The following RFC3 variants were observed in gnomAD, a reference collection of about 807,000 sequenced individuals.
The protein encoded by RFC3 is A1 38 kDa subunit.
In RFC3, 41 loss-of-function variants were observed where a neutral mutation model predicts 45.1. That is an observed-to-expected ratio of 0.91 (90% confidence interval 0.71 to 1.18). RFC3 has a LOEUF of 1.18. Ranked by LOEUF, RFC3 falls within the 50% of genes most tolerant of loss-of-function variation. The probability of loss-of-function intolerance (pLI) is 0.00; values close to 1 mark genes in which losing one functional copy is unlikely to be tolerated. For missense variants in RFC3, 423 were observed against 428.1 expected, an observed-to-expected ratio of 0.99 and a Z score of 0.10; for synonymous variants, 149 against 144.0, an observed-to-expected ratio of 1.03 and a Z score of -0.25.
In RFC3 at chr13:33,910,954, C is replaced by T. The variant is rs919912377; in HGVS notation, c.880-55133C>T. On this transcript the variant is annotated intron_variant, in intron 8 of 8. Transcript: ENST00000434425. Reference sequence around the variant, plus strand: ...TGAGAACCCTTTCATGAGAGCAGCACGAAAGGGGGAAATCCACACCCATGA... The same window carrying T: ...TGAGAACCCTTTCATGAGAGCAGCATGAAAGGGGGAAATCCACACCCATGA... Among the ~76,000 whole-genome samples the T allele has an allele frequency of 9.2e-5, 14 of 151,826 alleles. 2 individuals carry two copies. The highest frequency in any genetic ancestry group is 9.2e-4 in the Admixed American group (14 of 15,242).
At chr13:33,855,859 T>C (rs1018770285) in intron 8 of RFC3, among the ~76,000 whole-genome samples, 2 of 152,204 alleles carry the variant, frequency 1.3e-5, no homozygotes, top group South Asian at 2.1e-4. Flanking sequence ...TTATAGGTGC[T>C]GGATATTAGA....
At chr13:33,971,379 T>C (rs1002507712), downstream of RFC3, among the ~76,000 whole-genome samples, 3 of 152,256 alleles carry the variant, frequency 2.0e-5, no homozygotes, top group Non-Finnish European at 4.4e-5. Context: ...TGTGCGTCAT[T>C]CTGAATACTT....
At chr13:33,928,690 AT>A (rs2082832000) in intron 8 of RFC3, among the ~76,000 whole-genome samples, 2 of 152,158 alleles carry the variant, frequency 1.3e-5, no homozygotes, top group Non-Finnish European at 2.9e-5. Flanking sequence ...TTTACATCTT[AT>A]CCACATACTT....
intron 8 of RFC3, among the ~76,000 whole-genome samples, chr13:33,870,196 A>C (rs900219427): frequency 9.9e-5 from 15 of 152,238 alleles, no homozygotes; most frequent in African/African-American, 3.4e-4. Context: ...ATTTGCATGG[A>C]ACTGGTGAAG....
intron 8 of RFC3, among the ~76,000 whole-genome samples, chr13:33,965,738 C>T (rs2083084479): frequency 1.3e-5 from 2 of 152,142 alleles, no homozygotes; most frequent in African/African-American, 4.8e-5. Flanking sequence ...CTATCTTCAG[C>T]ATTTAAACAG....
chr13:33,939,430 G>T lies in RFC3; in HGVS notation c.880-26657G>T, dbSNP rs574601157. Among the ~76,000 whole-genome samples the T allele has an allele frequency of 3.3e-5, 5 of 152,274 alleles. No individual in the cohort carries two copies. In the East Asian group the frequency reaches 9.6e-4, roughly 29 times the overall value. ...TCCAGGTGGGTGAACACACCAAGGT[G>T]CTCGGAAGGTGGTGCACCCAAGAGG... On this transcript the variant is annotated intron_variant, in intron 8 of 8. Transcript: ENST00000434425.
At chr13:33,842,681 C>G (rs1265347076) in intron 8 of RFC3, among the ~76,000 whole-genome samples, 1 of 152,158 alleles carries the variant, frequency 6.6e-6, no homozygotes, top group Non-Finnish European at 1.5e-5. Flanking sequence ...CACCCCGCAG[C>G]CACTTTCTTC....
chr13:33,936,165 G>C (rs1201748310), intron 8 of RFC3, among the ~76,000 whole-genome samples: 3 of 152,104 alleles, frequency 2.0e-5, no homozygotes, highest in Non-Finnish European at 4.4e-5. Flanking sequence ...GGAAGCCACA[G>C]GTGGTCATTA....
At chr13:33,937,785 T>C (rs1015005844) in intron 8 of RFC3, among the ~76,000 whole-genome samples, 2 of 152,206 alleles carry the variant, frequency 1.3e-5, no homozygotes, top group African/African-American at 4.8e-5. Context: ...AGTGGCTGCC[T>C]GAGAGCAATG....
intron 8 of RFC3, among the ~76,000 whole-genome samples, chr13:33,920,420 C>CTT (rs777079510): frequency 0.034 from 2,840 of 83,038 alleles, 204 homozygotes; most frequent in African/African-American, 0.065. Flanking sequence ...TACAACCACA[C>CTT]TTTTTTTTTT....
intron 8 of RFC3, among the ~76,000 whole-genome samples, chr13:33,896,117 T>C (rs7994924): frequency 0.28 from 42,236 of 151,490 alleles, 9,394 homozygotes; most frequent in African/African-American, 0.6. Context: ...TACAATTTGT[T>C]TGCATAACAA....
chr13:33,832,900 T>G (rs1026142311), intron 7 of RFC3, among the ~76,000 whole-genome samples: 3 of 152,324 alleles, frequency 2.0e-5, no homozygotes, highest in African/African-American at 7.2e-5. Flanking sequence ...AATTATCACG[T>G]GCTTTTATAA....
At chr13:33,881,492 T>C (rs2082483786) in intron 8 of RFC3, among the ~76,000 whole-genome samples, 1 of 152,156 alleles carries the variant, frequency 6.6e-6, no homozygotes, top group Non-Finnish European at 1.5e-5. Flanking sequence ...TCATTCTGGC[T>C]CACCTGAATG....
chr13:33,954,007 T>C (rs1305625104), intron 8 of RFC3, among the ~76,000 whole-genome samples: 3 of 152,172 alleles, frequency 2.0e-5, no homozygotes, highest in African/African-American at 4.8e-5. Context: ...CTCAGGCATG[T>C]TCTACAAACA....
chr13:33,928,744 A>G (rs1261936448), intron 8 of RFC3, among the ~76,000 whole-genome samples: 1 of 152,058 alleles, frequency 6.6e-6, no homozygotes, highest in Non-Finnish European at 1.5e-5. Context: ...AAACCTGTAC[A>G]GTGTTGATCA....
At chr13:33,944,458 A>G (rs866190932) in intron 8 of RFC3, among the ~76,000 whole-genome samples, 13 of 152,292 alleles carry the variant, frequency 8.5e-5, no homozygotes, top group Middle Eastern at 6.8e-3. Context: ...TTTTAGGTGA[A>G]GGAAAGAATG....
chr13:33,830,334 A>T (rs1459711263), intron 5 of RFC3, among the ~76,000 whole-genome samples: 3 of 152,250 alleles, frequency 2.0e-5, no homozygotes, highest in Non-Finnish European at 4.4e-5. Context: ...AGGCTGGAAT[A>T]TTGAGGAAAC....
intron 2 of RFC3, 83 bp from the exon 3 acceptor site, chr13:33,823,834 A>T (rs541584005): frequency 1.4e-6 from 1 of 692,308 alleles, no homozygotes; most frequent in South Asian, 2.1e-5. Context: ...TTTGTGTAAT[A>T]AAAGGAAAAC....
At chr13:33,881,746 T>C (rs935240111) in intron 8 of RFC3, among the ~76,000 whole-genome samples, 10 of 152,190 alleles carry the variant, frequency 6.6e-5, no homozygotes, top group African/African-American at 2.4e-4. Context: ...TCCCGTGCTT[T>C]CCTCTGCCCA....
Sources: allele counts gnomAD v4.1 joint callset (sites outside exome capture counted in the v4.1 genomes callset), GRCh38; gene constraint gnomAD v4.1.1; transcripts MANE v1.5; gene names NCBI Gene and HGNC (gene_info 2026-07-23, HGNC 2026-07-21).